Variants in TIAM2 observed in about 807,000 individuals in gnomAD.
TIAM2 encodes TIAM Rac1 associated GEF 2.
In TIAM2, 80 loss-of-function variants were observed where a neutral mutation model predicts 152.9. The observed-to-expected ratio is 0.52, with a 90% CI of 0.44 to 0.63. The LOEUF is 0.63. TIAM2 is among the 30% of genes least tolerant of loss of function. The probability of loss-of-function intolerance (pLI) is 0.00; values close to 1 mark genes in which losing one functional copy is unlikely to be tolerated. For synonymous variants in TIAM2, 804 were observed against 838.0 expected, an observed-to-expected ratio of 0.96 and a Z score of 0.70; for missense variants, 1,965 against 2,120.1, an observed-to-expected ratio of 0.93 and a Z score of 1.44.
chr6:155,075,257 A>G (rs1048811950), intron 1 of TIAM2, among the ~76,000 whole-genome samples: 3 of 152,182 alleles, frequency 2.0e-5, no homozygotes, highest in Non-Finnish European at 4.4e-5. Context: ...GCTAATGATC[A>G]TAGGAACATT....
intron 1 of TIAM2, among the ~76,000 whole-genome samples, chr6:155,051,715 G>A (rs1219109015): frequency 1.3e-5 from 2 of 152,010 alleles, no homozygotes; most frequent in African/African-American, 4.8e-5. Context: ...CACAACCTTG[G>A]CTCACTGCAA....
At chr6:155,057,914 G>A (rs1777491916) in intron 1 of TIAM2, among the ~76,000 whole-genome samples, 1 of 152,070 alleles carries the variant, frequency 6.6e-6, no homozygotes, top group Admixed American at 6.6e-5. Flanking sequence ...AATTCTACAT[G>A]GAGAGTGTCT....
chr6:155,053,392 C>T (rs1212011780), intron 1 of TIAM2, among the ~76,000 whole-genome samples: 2 of 150,856 alleles, frequency 1.3e-5, no homozygotes, highest in Non-Finnish European at 2.9e-5. Flanking sequence ...TGATCTCATG[C>T]GATCCTCCTG....
intron 7 of TIAM2, among the ~76,000 whole-genome samples, chr6:155,158,730 G>GT (rs563613101): frequency 1.1e-4 from 17 of 148,396 alleles, no homozygotes; most frequent in South Asian, 2.1e-4. Flanking sequence ...TGAGTTTTGT[G>GT]TTTTTTTATA....
chr6:155,011,845 G>A (rs759573471), intron 1 of TIAM2, among the ~76,000 whole-genome samples: 8 of 152,190 alleles, frequency 5.3e-5, no homozygotes, highest in Non-Finnish European at 8.8e-5. Context: ...GCAGAGAGGC[G>A]TTGGCAGTCT....
At chr6:155,153,448 G>GA (rs111586602) in intron 7 of TIAM2, among the ~76,000 whole-genome samples, 74 of 144,732 alleles carry the variant, frequency 5.1e-4, no homozygotes, top group Admixed American at 2.5e-3. Context: ...TTCTGAAAAA[G>GA]AAAAAAAAAA....
chr6:155,203,324 T>A (rs1781522507), intron 14 of TIAM2, among the ~76,000 whole-genome samples: 1 of 152,300 alleles, frequency 6.6e-6, no homozygotes, highest in African/African-American at 2.4e-5. Flanking sequence ...AATGAAGGAA[T>A]TGAATAGGGT....
At chr6:155,118,223 C>G (rs921651132) in intron 2 of TIAM2, among the ~76,000 whole-genome samples, 12 of 152,064 alleles carry the variant, frequency 7.9e-5, no homozygotes, top group Non-Finnish European at 8.8e-5. Flanking sequence ...AAACTTTGTC[C>G]CTGACCCTGG....
At chr6:155,172,657 TATATATATATATATATATA>T (rs1780620714) in intron 9 of TIAM2, among the ~76,000 whole-genome samples, 1 of 10,606 alleles carries the variant, frequency 9.4e-5, no homozygotes, top group African/African-American at 2.2e-4. Flanking sequence ...TATATATATA[TATATATATATATATATATA>T]TATATATATA....
At chr6:155,170,637 A>T (rs1780562522) in intron 9 of TIAM2, among the ~76,000 whole-genome samples, 1 of 152,206 alleles carries the variant, frequency 6.6e-6, no homozygotes, top group Non-Finnish European at 1.5e-5. Context: ...GCATCAGTAC[A>T]CTTCCTATTA....
At chr6:155,232,904 A>T (rs1191053325) in intron 15 of TIAM2, 3 of 152,214 alleles carry the variant, frequency 2.0e-5, no homozygotes, top group Non-Finnish European at 4.4e-5. Context: ...GCTGTCCTTC[A>T]TCCTTGTTTC....
At chr6:155,068,801 C>T (rs544982261) in intron 1 of TIAM2, among the ~76,000 whole-genome samples, 4 of 152,150 alleles carry the variant, frequency 2.6e-5, no homozygotes, top group East Asian at 1.9e-4. Flanking sequence ...GATGGGATCT[C>T]GCCATGTTGC....
chr6:155,100,885 C>A (rs746588499), intron 2 of TIAM2, among the ~76,000 whole-genome samples: 2 of 152,116 alleles, frequency 1.3e-5, no homozygotes, highest in Non-Finnish European at 2.9e-5. Flanking sequence ...AATGATGTGT[C>A]CAGTGTCATA....
At chr6:155,086,066 T>C (rs1778165379) in intron 1 of TIAM2, among the ~76,000 whole-genome samples, 1 of 152,210 alleles carries the variant, frequency 6.6e-6, no homozygotes, top group Non-Finnish European at 1.5e-5. Context: ...CAGTCTCCAC[T>C]GTTGAAAGAA....
In TIAM2 at chr6:155,053,435, G is replaced by C. The variant is rs77570494; in HGVS notation, c.-208-36854G>C. ...CTCCCAAAGACTTGGGATTATAGGC[G>C]TGAGCCACCGCTCCTGGCCTATTCT... On this transcript the variant is annotated intron_variant, in intron 1 of 26. Transcript: ENST00000682666. Among the ~76,000 whole-genome samples the C allele has an allele frequency of 8.2e-4, 122 of 149,490 alleles. No individual in the cohort carries two copies. The Middle Eastern group carries it at 0.011, about 13-fold the overall frequency.
At chr6:155,170,362 G>T (rs1311924790) in intron 9 of TIAM2, among the ~76,000 whole-genome samples, 1 of 152,208 alleles carries the variant, frequency 6.6e-6, no homozygotes, top group African/African-American at 2.4e-5. Context: ...TGGCATGGTG[G>T]CTCGTGCCTG....
intron 22 of TIAM2, 131 bp from the exon 23 acceptor site, chr6:155,251,814 A>T: frequency 1.4e-6 from 1 of 697,698 alleles, no homozygotes; most frequent in Non-Finnish European, 2.5e-6. Context: ...TTATTCACTC[A>T]TGTTGGCAGA....
At chr6:155,170,889 G>C (rs1251988686) in intron 9 of TIAM2, among the ~76,000 whole-genome samples, 1 of 152,170 alleles carries the variant, frequency 6.6e-6, no homozygotes, top group Non-Finnish European at 1.5e-5. Flanking sequence ...TGCAGCCTCT[G>C]TAATTTCTGT....
intron 14 of TIAM2, among the ~76,000 whole-genome samples, chr6:155,199,094 A>G (rs1181274953): frequency 6.6e-6 from 1 of 152,066 alleles, no homozygotes; most frequent in Non-Finnish European, 1.5e-5. Flanking sequence ...TTACAAAAAA[A>G]GTTTTTAAGA....
Sources: allele counts gnomAD v4.1 joint callset (sites outside exome capture counted in the v4.1 genomes callset), GRCh38; gene constraint gnomAD v4.1.1; transcripts MANE v1.5; gene names NCBI Gene and HGNC (gene_info 2026-07-23, HGNC 2026-07-21).